NUP210L: variants seen among roughly 807,000 people sequenced by gnomAD.
The protein encoded by NUP210L is nuclear pore membrane glycoprotein 210-like.
In NUP210L, 74 loss-of-function variants were observed where a neutral mutation model predicts 208.5. The ratio of observed to expected loss-of-function variants is 0.35; its 90% CI spans 0.29 to 0.43. The LOEUF (loss-of-function observed/expected upper bound fraction) is 0.43. NUP210L is among the 20% of genes least tolerant of loss of function. The pLI is 1.00. For missense variants in NUP210L, 1,843 were observed against 2,289.4 expected (o/e 0.81, Z 3.98); for synonymous variants, 780 against 816.9 (o/e 0.95, Z 0.77).
chr1:153,996,249 T>G (rs1036766313), intron 37 of NUP210L, among the ~76,000 whole-genome samples: 2 of 152,046 alleles, frequency 1.3e-5, no homozygotes, highest in African/African-American at 2.4e-5. Context: ...CCGAGATCTC[T>G]CCACTGCACT....
chr1:154,078,594 CAA>C (rs1168583884), intron 16 of NUP210L, among the ~76,000 whole-genome samples: 17 of 97,396 alleles, frequency 1.7e-4, no homozygotes, highest in Admixed American at 3.3e-4. Flanking sequence ...GAATCTGTCT[CAA>C]AAAAAAAAAA....
chr1:154,071,097 G>A (rs1437758314), intron 16 of NUP210L, among the ~76,000 whole-genome samples: 1 of 147,460 alleles, frequency 6.8e-6, no homozygotes, highest in African/African-American at 2.5e-5. Flanking sequence ...TTTGTTTTTT[G>A]TTTTTTGTTT....
At chr1:154,007,390 G>C (rs1353572333) in intron 35 of NUP210L, among the ~76,000 whole-genome samples, 1 of 149,972 alleles carries the variant, frequency 6.7e-6, no homozygotes. Flanking sequence ...AGCCTCCCTA[G>C]TAGCTGGGAT....
chr1:154,152,740 T>G, exon 2 of NUP210L: 1 of 1,613,954 alleles, frequency 6.2e-7, no homozygotes, highest in Non-Finnish European at 8.5e-7. Flanking sequence ...ACATACCTAT[T>G]TCTCGAGCAA....
chr1:154,012,351 G>A, exon 34 of NUP210L: 1 of 1,613,210 alleles, frequency 6.2e-7, no homozygotes, highest in Non-Finnish European at 8.5e-7. Context: ...CATTAATCTT[G>A]ATGATGCATT....
At chr1:154,136,441 A>G (rs1220313482) in intron 6 of NUP210L, among the ~76,000 whole-genome samples, 2 of 150,944 alleles carry the variant, frequency 1.3e-5, no homozygotes, top group African/African-American at 4.9e-5. Context: ...GACAAAGCAT[A>G]ACTCCGTCTC....
exon 40 of NUP210L, chr1:153,992,872 C>G (rs1191257105): frequency 6.2e-7 from 1 of 1,613,170 alleles, no homozygotes; most frequent in African/African-American, 1.3e-5. Flanking sequence ...TTGCAGCCGA[C>G]TTTGGGCCAA....
chr1:154,025,413 T>C (rs1225651671), intron 30 of NUP210L, 129 bp downstream of exon 30: 3 of 532,114 alleles, frequency 5.6e-6, no homozygotes, highest in African/African-American at 3.9e-5. Context: ...TTCTAATTCT[T>C]TTCTTTTTCT....
intron 8 of NUP210L, among the ~76,000 whole-genome samples, chr1:154,128,215 G>A (rs1162958201): frequency 6.6e-6 from 1 of 152,182 alleles, no homozygotes; most frequent in Non-Finnish European, 1.5e-5. Flanking sequence ...GCTTGGCCTG[G>A]TGGCTCATGC....
intron 7 of NUP210L, among the ~76,000 whole-genome samples, chr1:154,131,774 T>A (rs987638298): frequency 6.6e-6 from 1 of 152,122 alleles, no homozygotes; most frequent in Non-Finnish European, 1.5e-5. Flanking sequence ...AGGAAACTCC[T>A]CTTTCTGGTT....
chr1:154,035,820 G>T (rs1652506245), intron 27 of NUP210L, among the ~76,000 whole-genome samples: 1 of 151,420 alleles, frequency 6.6e-6, no homozygotes, highest in South Asian at 2.1e-4. Context: ...TGCAACCTCC[G>T]CCTTTCAAGT....
rs1416336587 is a variant in NUP210L, at chr1:154,143,545, C to G, written c.373G>C (p.Val125Leu). Residue 125 changes from valine (V) to leucine (L), a missense_variant, in exon 3 of 40, where the codon GTT becomes CTT. Physicochemically the swap from Val to Leu is conservative, Grantham distance 32. Around this residue, in one of 5 missense-constraint regions of NUP210L, gnomAD observed 542 missense variants for 606.4 expected, o/e 0.89. Coordinates refer to ENST00000368559, the Ensembl canonical transcript of NUP210L. ...ATTTCAATGCTGTTTATCACATCAACCTTAACATCACAGCGTAGCTCATGG... is the reference window on the plus strand; with the variant it reads ...ATTTCAATGCTGTTTATCACATCAAGCTTAACATCACAGCGTAGCTCATGG... 15 of 1,613,778 alleles carry G rather than the reference C, an allele frequency of 9.3e-6. No individual in the cohort carries two copies. The highest frequency in any genetic ancestry group is 2.7e-5 in the African/African-American group (2 of 74,900).
chr1:154,030,402 A>G (rs1652146700), intron 27 of NUP210L, among the ~76,000 whole-genome samples: 1 of 151,926 alleles, frequency 6.6e-6, no homozygotes, highest in Non-Finnish European at 1.5e-5. Context: ...GGCTCCAGTG[A>G]TCCTCCCACC....
At chr1:154,111,466 T>C (rs1657035922) in intron 12 of NUP210L, among the ~76,000 whole-genome samples, 1 of 151,188 alleles carries the variant, frequency 6.6e-6, no homozygotes, top group African/African-American at 2.4e-5. Context: ...TTACAGCCAA[T>C]ACCACAGAAA....
At chr1:154,118,902 C>T (rs1657469208) in intron 10 of NUP210L, 94 bp from the exon 11 acceptor site, 7 of 623,334 alleles carry the variant, frequency 1.1e-5, no homozygotes, top group Non-Finnish European at 5.2e-6. Context: ...AAATGGTATG[C>T]TCATAAATTA....
Position 153,999,643 on chromosome 1 carries a change from G to A in NUP210L, c.5386+1213C>T, listed in dbSNP as rs189516380. ...TCCCAGCTACTCAGGAGTCTGAGGC[G>A]GGAGAATCGCTTGAACTTGGGAGGT... On this transcript the variant is annotated intron_variant, in intron 37 of 39. Coordinates refer to ENST00000368559, the Ensembl canonical transcript of NUP210L. 1.7e-4 allele frequency among the ~76,000 whole-genome samples: 25 copies of A among 150,698 alleles called. No homozygotes were observed. The East Asian group carries it at 4.0e-3, about 24-fold the overall frequency.
chr1:154,062,567 C>CTTTTTTTTTTTTTTTTTT (rs34499821), intron 17 of NUP210L, among the ~76,000 whole-genome samples: 39 of 74,986 alleles, frequency 5.2e-4, no homozygotes, highest in Admixed American at 1.2e-3. Context: ...TTTCTTTTTC[C>CTTTTTTTTTTTTTTTTTT]TTTTTTTTTT....
At chr1:154,025,333 G>GTTTCTT (rs1651811970) in intron 30 of NUP210L, among the ~76,000 whole-genome samples, 1 of 144,242 alleles carries the variant, frequency 6.9e-6, no homozygotes, top group Non-Finnish European at 1.5e-5. Flanking sequence ...CTCCCAGAGA[G>GTTTCTT]TTTCTTCTTC....
chr1:154,055,179 CTTT>C (rs1557944434), intron 23 of NUP210L, among the ~76,000 whole-genome samples: 6 of 103,912 alleles, frequency 5.8e-5, no homozygotes, highest in African/African-American at 2.1e-4. Context: ...TTCTTTCTTT[CTTT>C]CTTTCTTTTT....
Sources: allele counts gnomAD v4.1 joint callset (sites outside exome capture counted in the v4.1 genomes callset), GRCh38; gene constraint gnomAD v4.1.1; regional missense constraint gnomAD v4.1.1; transcripts MANE v1.5; gene names NCBI Gene and HGNC (gene_info 2026-07-23, HGNC 2026-07-21).